FAAH2: variants seen among roughly 807,000 people sequenced by gnomAD.
FAAH2 encodes the protein fatty acid amide hydrolase 2, also known as fatty-acid amide hydrolase 2.
FAAH2 carries 60 observed loss-of-function variants against 36.9 expected under a neutral mutation model. The observed-to-expected ratio is 1.63, with a 90% CI of 1.32 to 2.02. The LOEUF (loss-of-function observed/expected upper bound fraction) is 2.02. Among genes scored for constraint, FAAH2 ranks in the 30% most tolerant of loss-of-function variants. The pLI is 0.00. For synonymous variants in FAAH2, 214 were observed against 143.8 expected (o/e 1.49, Z -3.49); for missense variants, 689 against 397.5 (o/e 1.73, Z -6.23).
At chrX:57,472,497 T>C (rs1474249392) in intron 10 of FAAH2, among the ~76,000 whole-genome samples, 1 of 111,604 alleles carries the variant, frequency 9.0e-6, no homozygotes, top group African/African-American at 3.2e-5. Context: ...TGTACAATGA[T>C]TTAGAGAGGT....
the FAAH2 span, among the ~76,000 whole-genome samples, chrX:57,256,859 A>G: frequency 1.8e-5 from 2 of 112,300 alleles, no homozygotes; most frequent in Admixed American, 1.9e-4. Flanking sequence ...ACAAAGCAAA[A>G]AACCACATCC....
chrX:57,177,148 C>T, the FAAH2 span, among the ~76,000 whole-genome samples: 2 of 110,781 alleles, frequency 1.8e-5, no homozygotes, highest in Admixed American at 1.9e-4. Flanking sequence ...GTGAGAAGTC[C>T]CATCCTTGAC....
intron 10 of FAAH2, among the ~76,000 whole-genome samples, chrX:57,471,790 C>A (rs201761337): frequency 2.7e-5 from 3 of 111,511 alleles, no homozygotes; most frequent in Admixed American, 9.6e-5. Context: ...GCCAAGTCAA[C>A]CCTAAGCCAA....
intron 5 of FAAH2, among the ~76,000 whole-genome samples, chrX:57,360,562 C>T (rs1048617282): frequency 4.5e-5 from 5 of 110,645 alleles, no homozygotes; most frequent in Non-Finnish European, 7.6e-5. Flanking sequence ...CTCATTTTGT[C>T]TGTTTTCTCT....
intron 3 of FAAH2, among the ~76,000 whole-genome samples, chrX:57,330,675 C>G (rs896529972): frequency 9.0e-6 from 1 of 111,417 alleles, no homozygotes; most frequent in African/African-American, 3.3e-5. Context: ...CGGAACCTAC[C>G]GACATGTGAT....
At chrX:57,239,327 A>G in the FAAH2 span, among the ~76,000 whole-genome samples, 2 of 111,392 alleles carry the variant, frequency 1.8e-5, no homozygotes, top group Admixed American at 9.6e-5. Context: ...GTTTGGCCGG[A>G]TATAAAATTC....
chrX:57,301,025 T>C (rs1302111410), intron 2 of FAAH2, among the ~76,000 whole-genome samples: 2 of 110,811 alleles, frequency 1.8e-5, no homozygotes, highest in African/African-American at 3.3e-5. Context: ...GACTGTAAAC[T>C]AGTTCAACCC....
At chrX:57,471,455 G>C (rs781441534) in intron 10 of FAAH2, among the ~76,000 whole-genome samples, 1 of 109,401 alleles carries the variant, frequency 9.1e-6, no homozygotes, top group Non-Finnish European at 1.9e-5. Flanking sequence ...ACCCATAACA[G>C]ATAGAGAACC....
At chrX:57,248,753 CAAAAAAA>C in the FAAH2 span, among the ~76,000 whole-genome samples, 23 of 14,496 alleles carry the variant, frequency 1.6e-3, no homozygotes, top group African/African-American at 5.1e-3. Flanking sequence ...AGCTCCGTCT[CAAAAAAA>C]AAAAAAAAAA....
intron 5 of FAAH2, among the ~76,000 whole-genome samples, chrX:57,367,936 G>A (rs1014569818): frequency 1.8e-5 from 2 of 111,879 alleles, no homozygotes; most frequent in African/African-American, 3.3e-5. Context: ...GCTGCACAGT[G>A]CTATCTTATA....
chrX:57,332,031 T>C (rs2053421919), intron 4 of FAAH2, among the ~76,000 whole-genome samples: 1 of 111,344 alleles, frequency 9.0e-6, no homozygotes, highest in African/African-American at 3.3e-5. Context: ...GCAAAGGGAA[T>C]TGAGAATGAA....
chrX:57,283,091 G>A (rs746069340), upstream of FAAH2, among the ~76,000 whole-genome samples: 1 of 112,365 alleles, frequency 8.9e-6, no homozygotes, highest in Non-Finnish European at 1.9e-5. Context: ...CAAGCCATGG[G>A]AACCTGCCTG....
At chrX:57,189,885 GCTGT>G in the FAAH2 span, among the ~76,000 whole-genome samples, 1 of 112,243 alleles carries the variant, frequency 8.9e-6, no homozygotes, top group Non-Finnish European at 1.9e-5. Flanking sequence ...ACTTGAGGAG[GCTGT>G]CTGTCCCTTA....
At position 57,366,552 on chromosome X, in the gene FAAH2, C is replaced by T. The variant is rs1222207507; in HGVS notation, c.743-12099C>T. 2.7e-5 allele frequency among the ~76,000 whole-genome samples: 3 copies of T among 112,506 alleles called. No homozygotes were observed. The South Asian group carries it at 1.1e-3, about 41-fold the overall frequency. On this transcript the variant is annotated intron_variant, in intron 5 of 10. Coordinates refer to ENST00000374900, the MANE Select transcript of FAAH2 (RefSeq NM_174912.4). ...GGCAGCAGGGGTCCCAAAGCTTGCTCATGCCTGCAGGGTGGTGTGTTTTCC... is the reference window on the plus strand; with the variant it reads ...GGCAGCAGGGGTCCCAAAGCTTGCTTATGCCTGCAGGGTGGTGTGTTTTCC...
chrX:57,489,047 A>G lies in FAAH2; in HGVS notation c.*115A>G. The G allele has an allele frequency of 1.3e-6, 1 of 748,453 alleles. No individual in the cohort carries two copies. The highest frequency in any genetic ancestry group is 1.9e-6 in the Non-Finnish European group (1 of 535,465). The allele number at this position is 748,453 out of a possible 1,213,427, so 61.7% of individuals were successfully genotyped here. On this transcript the variant is annotated 3_prime_UTR_variant, in exon 11 of 11. Transcript: ENST00000374900. Reference sequence around the variant, plus strand: ...AAGCAGAGAAACAACTGGGGAATTTATTGACTCATTTAGTTATTCTTTCTA... The same window carrying G: ...AAGCAGAGAAACAACTGGGGAATTTGTTGACTCATTTAGTTATTCTTTCTA...
intron 10 of FAAH2, among the ~76,000 whole-genome samples, chrX:57,484,142 G>A (rs1035182175): frequency 5.4e-5 from 6 of 110,681 alleles, no homozygotes; most frequent in African/African-American, 2.0e-4. Context: ...ACTTTGACCT[G>A]CTGGCCAGGG....
intron 7 of FAAH2, chrX:57,392,590 T>C (rs1479554158): frequency 2.5e-6 from 2 of 805,730 alleles, no homozygotes; most frequent in Non-Finnish European, 3.7e-6. Flanking sequence ...TGGGCCTGAA[T>C]AGACACTGGC....
At chrX:57,299,804 C>A (rs1463410392) in intron 2 of FAAH2, among the ~76,000 whole-genome samples, 1 of 111,810 alleles carries the variant, frequency 8.9e-6, no homozygotes, top group Non-Finnish European at 1.9e-5. Context: ...CATTCTTATA[C>A]ACCAATAACA....
At chrX:57,328,935 T>C (rs185136181) in intron 3 of FAAH2, among the ~76,000 whole-genome samples, 119 of 111,576 alleles carry the variant, frequency 1.1e-3, no homozygotes, top group African/African-American at 3.7e-3. Context: ...CTGGGAGGGC[T>C]GAGGTCCTCC....
Sources: gnomAD v4.1 joint callset for allele counts (sites outside exome capture counted in the v4.1 genomes callset) on GRCh38, gnomAD v4.1.1 for gene constraint, MANE v1.5 for transcripts, NCBI Gene and HGNC (gene_info 2026-07-23, HGNC 2026-07-21) for gene names.